ZNF749: variants seen among roughly 807,000 people sequenced by gnomAD.
The protein encoded by ZNF749 is zinc finger protein 749.
ZNF749 carries 8 observed loss-of-function variants against 7.3 expected under a neutral mutation model. That is an observed-to-expected ratio of 1.10 (90% CI 0.64 to 1.98). ZNF749 has a LOEUF of 1.98. ZNF749 is among the 30% of genes most tolerant of loss of function. The pLI, the probability that ZNF749 is intolerant of heterozygous loss-of-function variation, is 0.00. For missense variants in ZNF749, 898 were observed against 932.4 expected, an observed-to-expected ratio of 0.96 and a Z score of 0.48; for synonymous variants, 310 against 322.4, an observed-to-expected ratio of 0.96 and a Z score of 0.41.
chr19:57,442,445 A>G lies in ZNF749; in HGVS notation c.142+434A>G, dbSNP rs944021626. Among the ~76,000 whole-genome samples the G allele has an allele frequency of 9.2e-5, 14 of 152,140 alleles. No individual in the cohort carries two copies. The highest frequency in any genetic ancestry group is 3.4e-4 in the African/African-American group (14 of 41,418). On this transcript the variant is annotated intron_variant, in intron 2 of 2. Coordinates refer to ENST00000334181, the MANE Select transcript of ZNF749 (RefSeq NM_001023561.4). This position sits in a 1 kb window ranked among gnomAD's most constrained non-coding sequence, Gnocchi z 6.6. ...AGGATTGTGAAGTTATTTCTGCAGG[A>G]CGCTCTACTGGGTGTTCTGGTAGCT...
At position 57,435,539 on chromosome 19, in the gene ZNF749, GC is replaced by G. The variant is rs1393494078; in HGVS notation, c.-36del. The G allele has an allele frequency of 6.9e-6, 11 of 1,594,900 alleles. No homozygotes were observed. The highest frequency in any genetic ancestry group is 8.5e-6 in the Non-Finnish European group (10 of 1,172,688). ...CAGCGTCCAGGTGACCGCCGTTCCC[GC>G]CCCGCTCTTCCCTGGGTGGACTGGA... On this transcript the variant is annotated 5_prime_UTR_variant, in exon 1 of 3. Transcript: ENST00000334181.
intron 1 of ZNF749, among the ~76,000 whole-genome samples, chr19:57,441,357 A>G (rs1048145192): frequency 7.9e-5 from 12 of 151,996 alleles, no homozygotes; most frequent in Admixed American, 2.6e-4. Flanking sequence ...CTGGAGAGGG[A>G]AGTGTATCAG....
In ZNF749 at chr19:57,444,895, C is replaced by T. The variant is rs1197043456; in HGVS notation, c.1747C>T (p.Arg583Cys). The part of the protein sequence containing the change: ...GHQKIQTGER[R>C]YECNECGKFF... Reference sequence around the variant, plus strand: ...CCAGAAAATCCAGACTGGAGAACGGCGTTATGAATGCAATGAATGTGGGAA... The same window carrying T: ...CCAGAAAATCCAGACTGGAGAACGGTGTTATGAATGCAATGAATGTGGGAA... Residue 583 changes from arginine to cysteine, a missense_variant, in exon 3 of 3, where the codon CGT becomes TGT. By Grantham distance (180) the Arg-to-Cys change is radical (BLOSUM62 -3). Coordinates refer to ENST00000334181, the MANE Select transcript of ZNF749 (RefSeq NM_001023561.4). The T allele has an allele frequency of 3.1e-6, 5 of 1,614,022 alleles. No individual in the cohort carries two copies. Among genetic ancestry groups the T allele is most frequent in the Admixed American group, 3.3e-5 (2 of 60,000 alleles).
rs2089057751 is a variant in ZNF749, at chr19:57,445,696, A to G, written c.*211A>G. ...GTAATCCCAGCACTTTGGGAGGCAG[A>G]GGTGGGTGGATCACCTGAGGTCAGG... On this transcript the variant is annotated 3_prime_UTR_variant, in exon 3 of 3. Coordinates refer to ENST00000334181, the MANE Select transcript of ZNF749 (RefSeq NM_001023561.4). 5.5e-6 allele frequency: 2 copies of G among 361,106 alleles called. No individual in the cohort carries two copies. Among genetic ancestry groups the G allele is most frequent in the Admixed American group, 1.3e-4 (2 of 15,480 alleles). 22.4% of individuals were successfully genotyped at this position (361,106 alleles called of 1,614,324 possible).
At position 57,443,561 on chromosome 19, in the gene ZNF749, C is replaced by G. The variant is rs1318986652; in HGVS notation, c.413C>G (p.Pro138Arg). Reference sequence around the variant, plus strand: ...CTCACCAGAAGTGATGAGTGGAGGCCTTCATTTGTGAACCACAGTGCTCAC... The same window carrying G: ...CTCACCAGAAGTGATGAGTGGAGGCGTTCATTTGTGAACCACAGTGCTCAC... ...EKLTRSDEWR[P>R]SFVNHSAHVG... The change falls in exon 3 of 3, where the codon CCT (proline) becomes CGT (arginine). Residue 138 changes from proline (P) to arginine (R), a missense_variant. Coordinates refer to ENST00000334181, the MANE Select transcript of ZNF749 (RefSeq NM_001023561.4). 6.2e-7 allele frequency: 1 copy of G among 1,614,224 alleles called. No homozygotes were observed. The highest frequency in any genetic ancestry group is 8.5e-7 in the Non-Finnish European group (1 of 1,180,042).
upstream of ZNF749, among the ~76,000 whole-genome samples, chr19:57,432,063 C>CTG (rs2088901381): frequency 6.6e-6 from 1 of 151,848 alleles, no homozygotes; most frequent in Non-Finnish European, 1.5e-5. Flanking sequence ...GAACTCCGGA[C>CTG]CTCAGGTGAT....
At chr19:57,434,389 G>A (rs747951256), upstream of ZNF749, among the ~76,000 whole-genome samples, 1 of 152,098 alleles carries the variant, frequency 6.6e-6, no homozygotes, top group African/African-American at 2.4e-5. Flanking sequence ...GAGATACCAC[G>A]CCCGGCCCAC....
chr19:57,445,058 A>G lies in ZNF749; in HGVS notation c.1910A>G (p.Glu637Gly), dbSNP rs200564517. 2.5e-5 allele frequency: 41 copies of G among 1,614,090 alleles called. No homozygotes were observed. The highest frequency in any genetic ancestry group is 1.6e-4 in the Middle Eastern group (1 of 6,062). ...AGACATCAGAAAGTTCACACTGGAGAAAGACCTTATGAGTGTAGTGAATGT... is the reference window on the plus strand; with the variant it reads ...AGACATCAGAAAGTTCACACTGGAGGAAGACCTTATGAGTGTAGTGAATGT... Reference protein sequence around the residue: ...LSRHQKVHTGERPYECSECGK... With the variant: ...LSRHQKVHTGGRPYECSECGK... Residue 637 changes from glutamate (E) to glycine (G), a missense_variant, in exon 3 of 3, where the codon GAA (glutamate) becomes GGA (glycine). Transcript: ENST00000334181.
Position 57,442,061 on chromosome 19 carries a change from T to G in ZNF749, c.142+50T>G, listed in dbSNP as rs2088996747. 6.3e-7 allele frequency: 1 copy of G among 1,595,464 alleles called. No individual in the cohort carries two copies. The highest frequency in any genetic ancestry group is 1.8e-5 in the Admixed American group (1 of 56,822). ...TGTCTTGTGCTGGGTGCTGTTTTTT[T>G]GCTCTTTTCCATGACAACTCTGTCT... On this transcript the variant is annotated intron_variant, in intron 2 of 2. Coordinates refer to ENST00000334181, the MANE Select transcript of ZNF749 (RefSeq NM_001023561.4). The surrounding 1 kb of genome is among the most constrained non-coding windows in gnomAD (Gnocchi z 6.6).
chr19:57,429,306 G>A, the ZNF749 span, among the ~76,000 whole-genome samples: 3 of 152,130 alleles, frequency 2.0e-5, no homozygotes, highest in African/African-American at 7.2e-5. The surrounding 1 kb of genome is among the most constrained non-coding windows in gnomAD (Gnocchi z 4.2). Flanking sequence ...GATTACAGGC[G>A]TGAGCCACTG....
At chr19:57,440,690 G>C (rs1438451324) in intron 1 of ZNF749, among the ~76,000 whole-genome samples, 1 of 152,106 alleles carries the variant, frequency 6.6e-6, no homozygotes, top group African/African-American at 2.4e-5. Flanking sequence ...GAGAGGTACT[G>C]TCCAAAGCGA....
chr19:57,435,113 C>T (rs1164086655), upstream of ZNF749, among the ~76,000 whole-genome samples: 1 of 152,190 alleles, frequency 6.6e-6, no homozygotes, highest in Non-Finnish European at 1.5e-5. Context: ...CTCCAGGAGC[C>T]TCCAGCTTTT....
At chr19:57,437,447 T>C (rs1167151401) in intron 1 of ZNF749, among the ~76,000 whole-genome samples, 1 of 152,156 alleles carries the variant, frequency 6.6e-6, no homozygotes, top group Non-Finnish European at 1.5e-5. Flanking sequence ...AAGTGTGGGC[T>C]GGGCACAGTG....
chr19:57,444,332 C>T lies in ZNF749; in HGVS notation c.1184C>T (p.Ser395Phe), dbSNP rs144605370. 692 of 1,614,008 alleles carry T rather than the reference C, an allele frequency of 4.3e-4. No homozygotes were observed. Among genetic ancestry groups the T allele is most frequent in the Non-Finnish European group, 5.5e-4 (648 of 1,180,014 alleles). ...SICGKFFSHR[S>F]TLNMHQRVHA... ...TGTGGAAAATTCTTTAGTCACCGCT[C>T]CACACTCAATATGCACCAGAGAGTT... The change falls in exon 3 of 3, where the codon TCC becomes TTC. Residue 395 changes from serine (S) to phenylalanine (F), a missense_variant. Ser to Phe is a radical substitution (Grantham distance 155). Coordinates refer to ENST00000334181, the MANE Select transcript of ZNF749 (RefSeq NM_001023561.4).
At chr19:57,441,110 T>C (rs1423338078) in intron 1 of ZNF749, among the ~76,000 whole-genome samples, 3 of 89,630 alleles carry the variant, frequency 3.3e-5, no homozygotes, top group Admixed American at 1.3e-4. Flanking sequence ...GCAAGACTCT[T>C]GTCTCAAAAA....
chr19:57,435,343 A>G lies in ZNF749; in HGVS notation c.-236A>G, dbSNP rs1414119272. 6 of 620,438 alleles carry G rather than the reference A, an allele frequency of 9.7e-6. 1 individual carries two copies. The highest frequency in any genetic ancestry group is 3.9e-5 in the South Asian group (2 of 51,616). 38.4% of individuals were successfully genotyped at this position (620,438 alleles called of 1,614,324 possible). On this transcript the variant is annotated 5_prime_UTR_variant, in exon 1 of 3. The change abolishes an upstream ATG in the 5' untranslated region. Coordinates refer to ENST00000334181, the MANE Select transcript of ZNF749 (RefSeq NM_001023561.4). The stretch of plus-strand genomic sequence containing the variant: ...GGGCGGGACTTCTGGCGGCGCCCTC[A>G]TGGTTGCGTTAGCATGGCTACCTAG...
chr19:57,433,821 G>T (rs1211523677), upstream of ZNF749, among the ~76,000 whole-genome samples: 2 of 151,876 alleles, frequency 1.3e-5, no homozygotes, highest in Non-Finnish European at 2.9e-5. Context: ...AGGTAGTATT[G>T]CCACCACCTG....
chr19:57,435,177 G>A (rs1213162570), upstream of ZNF749, among the ~76,000 whole-genome samples: 1 of 152,172 alleles, frequency 6.6e-6, no homozygotes, highest in African/African-American at 2.4e-5. Flanking sequence ...AGCAGCGTGG[G>A]AACTACATTA....
rs751833854 is a variant in ZNF749, at chr19:57,446,254, T to A, written c.*769T>A. On this transcript the variant is annotated 3_prime_UTR_variant, in exon 3 of 3. Coordinates refer to ENST00000334181, the MANE Select transcript of ZNF749 (RefSeq NM_001023561.4). The stretch of plus-strand genomic sequence containing the variant: ...TATTGTGAACTGTGCCTGTGAGGGA[T>A]CTAGGTTGTGTGCTCCTTATGAGAA... Among the ~76,000 whole-genome samples the A allele has an allele frequency of 7.9e-5, 12 of 152,074 alleles. No homozygotes were observed. Among genetic ancestry groups the A allele is most frequent in the Non-Finnish European group, 1.6e-4 (11 of 68,030 alleles).
Sources: allele counts gnomAD v4.1 joint callset (sites outside exome capture counted in the v4.1 genomes callset), GRCh38; gene constraint gnomAD v4.1.1; non-coding constraint Gnocchi (gnomAD v3.1); transcripts MANE v1.5; gene names NCBI Gene and HGNC (gene_info 2026-07-23, HGNC 2026-07-21).